CDCA2: variants seen among roughly 807,000 people sequenced by gnomAD.
CDCA2 encodes cell division cycle associated 2, also known as cell division cycle-associated protein 2.
A neutral mutation model predicts 67.0 loss-of-function variants in CDCA2; 44 were observed. The observed-to-expected ratio is 0.66, with a 90% confidence interval of 0.52 to 0.84. CDCA2 has a LOEUF of 0.84. CDCA2 is among the 40% of genes least tolerant of loss of function. The pLI is 0.00. For missense variants in CDCA2, 1,253 were observed against 1,203.2 expected (o/e 1.04, Z -0.61); for synonymous variants, 447 against 418.7 (o/e 1.07, Z -0.82).
chr8:25,469,078 G>A (rs542396527), intron 6 of CDCA2, among the ~76,000 whole-genome samples: 3 of 152,216 alleles, frequency 2.0e-5, no homozygotes, highest in South Asian at 2.1e-4. Flanking sequence ...CTGGTCTCTC[G>A]TGACGGACTT....
At chr8:25,477,597 C>T (rs1356846457) in intron 7 of CDCA2, among the ~76,000 whole-genome samples, 1 of 152,192 alleles carries the variant, frequency 6.6e-6, no homozygotes, top group Admixed American at 6.5e-5. Context: ...TGAAACACTT[C>T]TGATCCCAAG....
intron 7 of CDCA2, among the ~76,000 whole-genome samples, chr8:25,476,483 G>C (rs1388661547): frequency 6.6e-6 from 1 of 151,950 alleles, no homozygotes; most frequent in African/African-American, 2.4e-5. Context: ...CTGCATCTCT[G>C]TATGTGTGTA....
chr8:25,467,054 AAAAAAAAAAAAACAC>A (rs1346197360), intron 5 of CDCA2, among the ~76,000 whole-genome samples: 37 of 141,038 alleles, frequency 2.6e-4, no homozygotes, highest in African/African-American at 5.8e-4. Context: ...AAAAAAAAAA[AAAAAAAAAAAAACAC>A]ACACACACAC....
chr8:25,463,289 A>C (rs1202758406), intron 4 of CDCA2, among the ~76,000 whole-genome samples: 1 of 152,222 alleles, frequency 6.6e-6, no homozygotes, highest in East Asian at 1.9e-4. Flanking sequence ...AGTCAGATAC[A>C]GTCTTGTGCT....
At chr8:25,482,315 G>A (rs1586495803) in intron 8 of CDCA2, among the ~76,000 whole-genome samples, 1 of 152,276 alleles carries the variant, frequency 6.6e-6, no homozygotes, top group Non-Finnish European at 1.5e-5. Flanking sequence ...GACAGAACAC[G>A]ATGTTATACC....
chr8:25,460,651 A>C, intron 3 of CDCA2, 97 bp downstream of exon 3: 1 of 1,305,514 alleles, frequency 7.7e-7, no homozygotes, highest in South Asian at 1.5e-5. Flanking sequence ...GTCATATTTT[A>C]GGTACCTAAA....
chr8:25,475,765 G>A (rs961346220), intron 7 of CDCA2, among the ~76,000 whole-genome samples: 4 of 152,116 alleles, frequency 2.6e-5, no homozygotes, highest in Non-Finnish European at 4.4e-5. Flanking sequence ...TCTCTGGTGT[G>A]GCATCTCTGT....
At chr8:25,466,472 C>A in intron 5 of CDCA2, 147 bp downstream of exon 5, 1 of 721,092 alleles carries the variant, frequency 1.4e-6, no homozygotes, top group Non-Finnish European at 2.0e-6. Context: ...TGGGACATTT[C>A]ACACAAAAAT....
At chr8:25,478,588 C>T (rs922168500) in intron 7 of CDCA2, among the ~76,000 whole-genome samples, 4 of 152,192 alleles carry the variant, frequency 2.6e-5, no homozygotes, top group Non-Finnish European at 5.9e-5. Context: ...TGGTTCTTAA[C>T]CTTTGCTCTG....
In CDCA2 at chr8:25,468,554, T is replaced by TGTGTGTGTGTGTGTGTGC. The variant is rs140233192; in HGVS notation, c.735+144_735+145insTGTGTGTGTGTGTGCGTG. On this transcript the variant is annotated intron_variant, in intron 6 of 14. Transcript: ENST00000330560. Reference sequence around the variant, plus strand: ...TGGGGTGTGTGTGTGTGTGTGTGTGTGTGCGTGTGTGTGTGTGTGTTTCCT... The same window carrying TGTGTGTGTGTGTGTGTGC: ...TGGGGTGTGTGTGTGTGTGTGTGTGTGTGTGTGTGTGTGTGTGCGTGCGTGTGTGTGTGTGTGTTTCCT... 23 of 495,520 alleles carry TGTGTGTGTGTGTGTGTGC rather than the reference T, an allele frequency of 4.6e-5. No homozygotes were observed. The East Asian group carries it at 7.3e-4, about 16-fold the overall frequency. The allele number at this position is 495,520 out of a possible 1,614,324, so 30.7% of individuals were successfully genotyped here.
chr8:25,504,637 AG>A (rs1028285011), intron 14 of CDCA2, among the ~76,000 whole-genome samples: 3 of 152,220 alleles, frequency 2.0e-5, no homozygotes, highest in African/African-American at 7.2e-5. Context: ...AGGATAGCAC[AG>A]GAGTTTAAAT....
rs755181018 is a variant in CDCA2, at chr8:25,507,226, T to A, written c.2560T>A (p.Ser854Thr). ...LEKNGNHTPS[S>T]SVGSSVEISL... ...AAAAAATGGAAATCACACACCATCC[T>A]CCAGTGTGGGCAGCTCTGTAGAAAT... The change falls in exon 15 of 15, where the codon TCC (serine) becomes ACC (threonine). Residue 854 changes from serine to threonine, a missense_variant. Coordinates refer to ENST00000330560, the MANE Select transcript of CDCA2 (RefSeq NM_152562.4). The A allele has an allele frequency of 1.2e-6, 2 of 1,614,044 alleles. No homozygotes were observed. The highest frequency in any genetic ancestry group is 1.7e-6 in the Non-Finnish European group (2 of 1,180,036).
intron 13 of CDCA2, among the ~76,000 whole-genome samples, chr8:25,491,284 A>G (rs1418597017): frequency 6.6e-6 from 1 of 152,190 alleles, no homozygotes; most frequent in African/African-American, 2.4e-5. Flanking sequence ...CAAAAATAGA[A>G]TGGAAGAAAT....
At chr8:25,477,054 A>C (rs963997661) in intron 7 of CDCA2, among the ~76,000 whole-genome samples, 1 of 152,162 alleles carries the variant, frequency 6.6e-6, no homozygotes, top group Non-Finnish European at 1.5e-5. Flanking sequence ...TACTTTAGGC[A>C]AAACTTTTAA....
chr8:25,473,654 C>T (rs574280302), intron 7 of CDCA2, among the ~76,000 whole-genome samples: 9 of 152,300 alleles, frequency 5.9e-5, no homozygotes, highest in South Asian at 4.1e-4. Flanking sequence ...ACATCTCCAA[C>T]GTGGTTTTCA....
chr8:25,484,955 A>ATAT (rs1803710762), intron 10 of CDCA2, among the ~76,000 whole-genome samples: 1 of 152,168 alleles, frequency 6.6e-6, no homozygotes, highest in Non-Finnish European at 1.5e-5. Flanking sequence ...TATCCTTGTA[A>ATAT]ACATAGCAAT....
At chr8:25,470,988 C>T (rs549162912) in intron 7 of CDCA2, among the ~76,000 whole-genome samples, 9 of 152,146 alleles carry the variant, frequency 5.9e-5, no homozygotes, top group Admixed American at 1.3e-4. Context: ...GCTTCAACTC[C>T]TTGCCTTTAG....
At chr8:25,494,796 T>C (rs1333184155) in intron 13 of CDCA2, among the ~76,000 whole-genome samples, 1 of 152,194 alleles carries the variant, frequency 6.6e-6, no homozygotes, top group Non-Finnish European at 1.5e-5. Context: ...ATGAGATCCA[T>C]AGGGTGGGTC....
At chr8:25,475,052 A>G (rs915338330) in intron 7 of CDCA2, among the ~76,000 whole-genome samples, 26 of 152,288 alleles carry the variant, frequency 1.7e-4, no homozygotes, top group Middle Eastern at 3.4e-3. Context: ...TTCCACTGCT[A>G]GGATTGGGTA....
Sources: gnomAD v4.1 joint callset for allele counts (sites outside exome capture counted in the v4.1 genomes callset) on GRCh38, gnomAD v4.1.1 for gene constraint, MANE v1.5 for transcripts, NCBI Gene and HGNC (gene_info 2026-07-23, HGNC 2026-07-21) for gene names.